Variants in C6orf118 observed in about 807,000 individuals in gnomAD.
C6orf118 encodes the protein chromosome 6 open reading frame 118, also known as uncharacterized protein C6orf118.
A neutral mutation model predicts 50.2 loss-of-function variants in C6orf118; 50 were observed. The observed-to-expected ratio is 1.00, with a 90% confidence interval of 0.79 to 1.26. C6orf118 has a LOEUF of 1.26. C6orf118 is among the 50% of genes most tolerant of loss of function. The probability of loss-of-function intolerance (pLI) is 0.00; values close to 1 mark genes in which losing one functional copy is unlikely to be tolerated. For missense variants in C6orf118, 641 were observed against 578.7 expected (o/e 1.11, Z -1.10); for synonymous variants, 239 against 230.9 (o/e 1.03, Z -0.32).
chr6:165,281,443 T>C, intron 8 of C6orf118, 197 bp downstream of exon 8: 1 of 1,240,614 alleles, frequency 8.1e-7, no homozygotes, highest in Non-Finnish European at 1.0e-6. Context: ...AACAGCATGA[T>C]ACTGCTCTAG....
chr6:165,280,377 G>C (rs911229170), intron 8 of C6orf118, among the ~76,000 whole-genome samples: 7 of 152,284 alleles, frequency 4.6e-5, no homozygotes, highest in African/African-American at 7.2e-5. Flanking sequence ...TGATATACTT[G>C]AGTCCATTCA....
intron 8 of C6orf118, 69 bp from the exon 9 acceptor site, chr6:165,280,179 A>G: frequency 2.7e-6 from 3 of 1,129,922 alleles, no homozygotes; most frequent in Non-Finnish European, 3.8e-6. Flanking sequence ...TAAAATTTCA[A>G]AATAAGCATC....
intron 1 of C6orf118, among the ~76,000 whole-genome samples, chr6:165,303,518 C>A (rs889125472): frequency 1.4e-5 from 2 of 138,320 alleles, no homozygotes; most frequent in Admixed American, 7.3e-5. Context: ...TTCAAAAAAT[C>A]AATGAATCCA....
Position 165,282,001 on chromosome 6 carries a change from G to A in C6orf118, c.1303-308C>T, listed in dbSNP as rs188297575. 8 of 189,244 alleles carry A rather than the reference G, an allele frequency of 4.2e-5. No individual in the cohort carries two copies. In the East Asian group the frequency reaches 1.1e-3, roughly 26 times the overall value. The allele number at this position is 189,244 out of a possible 1,614,324, so 11.7% of individuals were successfully genotyped here. ...CAGAACTAATGATAGAATTTGTTAA[G>A]GGGGCTGGAAAAATATAAAAATACA... On this transcript the variant is annotated intron_variant, in intron 7 of 8. Transcript: ENST00000230301.
chr6:165,288,025 C>A (rs1779971827), intron 7 of C6orf118, among the ~76,000 whole-genome samples: 1 of 152,134 alleles, frequency 6.6e-6, no homozygotes, highest in Non-Finnish European at 1.5e-5. Flanking sequence ...TTTCTGCAAT[C>A]TATTTATCTG....
In C6orf118 at chr6:165,301,701, G is replaced by C. The variant is rs369703297; in HGVS notation, c.621C>G (p.Ala207=). ...DRHHYVSSYL[A]GATSADRYRM... is the part of the protein sequence containing the mutation. ...TGTACCTGTCTGCGCTGGTGGCTCC[G>C]GCCAGGTAGGAGCTGACATAGTGGT... The change falls in exon 2 of 9, where the codon GCC becomes GCG. Residue 207 remains alanine, a synonymous_variant. Coordinates refer to ENST00000230301, the MANE Select transcript of C6orf118 (RefSeq NM_144980.4). 6.2e-7 allele frequency: 1 copy of C among 1,614,004 alleles called. No homozygotes were observed. Among genetic ancestry groups the C allele is most frequent in the Admixed American group, 1.7e-5 (1 of 60,002 alleles).
intron 7 of C6orf118, 80 bp from the exon 8 acceptor site, chr6:165,281,773 T>C: frequency 1.1e-6 from 1 of 872,164 alleles, no homozygotes; most frequent in Non-Finnish European, 1.7e-6. Context: ...AACAAGATTA[T>C]GTGAATGATA....
chr6:165,299,721 G>C (rs1780447425), intron 3 of C6orf118, among the ~76,000 whole-genome samples: 1 of 152,198 alleles, frequency 6.6e-6, no homozygotes, highest in African/African-American at 2.4e-5. Context: ...GATTACCTCA[G>C]AATATCATAA....
At chr6:165,299,686 G>A (rs1780445875) in intron 3 of C6orf118, among the ~76,000 whole-genome samples, 184 bp from the exon 4 acceptor site, 1 of 152,146 alleles carries the variant, frequency 6.6e-6, no homozygotes, top group South Asian at 2.1e-4. Context: ...CACCATCTTT[G>A]AAGCATATTT....
At chr6:165,308,051 A>G (rs1780811064) in intron 1 of C6orf118, among the ~76,000 whole-genome samples, 1 of 152,166 alleles carries the variant, frequency 6.6e-6, no homozygotes, top group Admixed American at 6.5e-5. Context: ...GAACCTGGAA[A>G]TCCCACAGGG....
chr6:165,290,349 T>C (rs1780065724), intron 6 of C6orf118, among the ~76,000 whole-genome samples: 1 of 151,996 alleles, frequency 6.6e-6, no homozygotes, highest in African/African-American at 2.4e-5. Flanking sequence ...CCAGAGTGTG[T>C]GATTTAGCAG....
chr6:165,289,848 A>G, intron 7 of C6orf118, 38 bp downstream of exon 7: 1 of 1,422,414 alleles, frequency 7.0e-7, no homozygotes, highest in Non-Finnish European at 9.5e-7. Context: ...CTTCAAGCAA[A>G]AGAATAATGT....
intron 6 of C6orf118, among the ~76,000 whole-genome samples, chr6:165,290,852 G>A (rs1780082314): frequency 6.6e-6 from 1 of 152,152 alleles, no homozygotes; most frequent in Admixed American, 6.6e-5. Context: ...CTGAGACTGG[G>A]CAATTTACAA....
At chr6:165,281,232 T>C (rs1226764392) in intron 8 of C6orf118, among the ~76,000 whole-genome samples, 2 of 152,198 alleles carry the variant, frequency 1.3e-5, no homozygotes, top group African/African-American at 4.8e-5. Flanking sequence ...CCCATGTGAA[T>C]TCACCCTCAC....
Position 165,293,478 on chromosome 6 carries a change from T to C in C6orf118, c.1062-7A>G, listed in dbSNP as rs1256832427. The C allele has an allele frequency of 1.2e-6, 2 of 1,611,314 alleles. No individual in the cohort carries two copies. The highest frequency in any genetic ancestry group is 2.7e-5 in the African/African-American group (2 of 74,876). On this transcript the variant is annotated splice_polypyrimidine_tract_variant and splice_region_variant and intron_variant, in intron 5 of 8. Coordinates refer to ENST00000230301, the MANE Select transcript of C6orf118 (RefSeq NM_144980.4). ...CTCCAGTTCACTTCTGAGTCTACAA[T>C]GTGAGGATAAACAATAGGGAAATAT... is the stretch of plus-strand genomic sequence containing the variant.
chr6:165,293,230 C>T (rs1780166156), intron 6 of C6orf118, 183 bp downstream of exon 6: 1 of 617,736 alleles, frequency 1.6e-6, no homozygotes, highest in African/African-American at 1.8e-5. Context: ...CAGGCAGTCA[C>T]CACCACGTGC....
chr6:165,288,038 A>T (rs1003102703), intron 7 of C6orf118, among the ~76,000 whole-genome samples: 2 of 152,242 alleles, frequency 1.3e-5, no homozygotes, highest in Non-Finnish European at 2.9e-5. Flanking sequence ...TTTATCTGGC[A>T]AATGTCTAAT....
At chr6:165,283,682 A>C (rs1779810560) in intron 7 of C6orf118, among the ~76,000 whole-genome samples, 1 of 152,182 alleles carries the variant, frequency 6.6e-6, no homozygotes, top group Non-Finnish European at 1.5e-5. Context: ...AGAGGGACCA[A>C]GGTGAATAGA....
chr6:165,282,202 G>C (rs1368434898), intron 7 of C6orf118, among the ~76,000 whole-genome samples: 1 of 152,018 alleles, frequency 6.6e-6, no homozygotes, highest in African/African-American at 2.4e-5. Context: ...CCAGATAGGA[G>C]TATTAATATT....
Sources: allele counts gnomAD v4.1 joint callset (sites outside exome capture counted in the v4.1 genomes callset), GRCh38; gene constraint gnomAD v4.1.1; transcripts MANE v1.5; gene names NCBI Gene and HGNC (gene_info 2026-07-23, HGNC 2026-07-21).